Variants in NFIA observed in about 807,000 individuals in gnomAD.
NFIA encodes nuclear factor 1 A-type.
In NFIA, 8 loss-of-function variants were observed where a neutral mutation model predicts 62.8. The ratio of observed to expected loss-of-function variants is 0.13; its 90% CI spans 0.07 to 0.23. The LOEUF is 0.23. Among genes scored for constraint, NFIA ranks in the 10% least tolerant of loss-of-function variants. The pLI is 1.00. For missense variants in NFIA, 410 were observed against 642.1 expected, an observed-to-expected ratio of 0.64 and a Z score of 3.91; for synonymous variants, 235 against 238.1, an observed-to-expected ratio of 0.99 and a Z score of 0.12.
intron 10 of NFIA, among the ~76,000 whole-genome samples, chr1:61,443,084 A>G (rs1667656180): frequency 6.6e-6 from 1 of 152,206 alleles, no homozygotes; most frequent in Non-Finnish European, 1.5e-5. Flanking sequence ...GGGGATTGAG[A>G]AAAAAGACTA....
At chr1:61,409,844 G>A (rs1384596351) in intron 9 of NFIA, among the ~76,000 whole-genome samples, 1 of 152,214 alleles carries the variant, frequency 6.6e-6, no homozygotes, top group African/African-American at 2.4e-5. Context: ...GACTAGTCAT[G>A]TCCAGTTTTT....
chr1:61,229,031 G>T (rs1361256045), intron 2 of NFIA, among the ~76,000 whole-genome samples: 1 of 151,626 alleles, frequency 6.6e-6, no homozygotes. Flanking sequence ...CAAATATATT[G>T]CCCAAAAAAA....
chr1:61,368,178 A>G (rs1224433435), intron 6 of NFIA, among the ~76,000 whole-genome samples: 1 of 152,212 alleles, frequency 6.6e-6, no homozygotes, highest in Non-Finnish European at 1.5e-5. Flanking sequence ...TTTGAAAATG[A>G]AGCTGTGTAA....
At chr1:61,387,895 A>G (rs1465776663) in intron 7 of NFIA, among the ~76,000 whole-genome samples, 2 of 152,252 alleles carry the variant, frequency 1.3e-5, no homozygotes, top group African/African-American at 4.8e-5. Flanking sequence ...TGGAAGAACC[A>G]TGGCGTTGCA....
chr1:61,284,392 T>C (rs760608510), intron 3 of NFIA, among the ~76,000 whole-genome samples: 66 of 152,232 alleles, frequency 4.3e-4, no homozygotes, highest in African/African-American at 1.5e-3. Context: ...TGACCCATCA[T>C]TGTTTGCAAA....
intron 2 of NFIA, among the ~76,000 whole-genome samples, chr1:61,130,377 C>G (rs1229390983): frequency 1.3e-5 from 2 of 152,090 alleles, no homozygotes; most frequent in Non-Finnish European, 2.9e-5. Flanking sequence ...ACACATTGCC[C>G]TGTAACTTTC....
At chr1:61,119,612 A>G (rs1646854298) in intron 2 of NFIA, among the ~76,000 whole-genome samples, 1 of 152,234 alleles carries the variant, frequency 6.6e-6, no homozygotes, top group South Asian at 2.1e-4. Context: ...AAAGTTTTGC[A>G]TGGACTCAGA....
chr1:61,101,873 G>A (rs1646518234), intron 2 of NFIA, among the ~76,000 whole-genome samples: 1 of 152,192 alleles, frequency 6.6e-6, no homozygotes, highest in Non-Finnish European at 1.5e-5. Context: ...GGGACAATGT[G>A]TGTGGATGGT....
chr1:61,232,825 T>TCTCCAG (rs1654761036), intron 2 of NFIA, among the ~76,000 whole-genome samples: 1 of 152,156 alleles, frequency 6.6e-6, no homozygotes, highest in African/African-American at 2.4e-5. Context: ...TCAAGCTCCA[T>TCTCCAG]CTCCAAGAAA....
chr1:61,387,394 G>C (rs1459869402), intron 7 of NFIA, among the ~76,000 whole-genome samples: 1 of 151,382 alleles, frequency 6.6e-6, no homozygotes, highest in Non-Finnish European at 1.5e-5. Flanking sequence ...CCCAGGCTTT[G>C]AAAGTATCAT....
intron 2 of NFIA, among the ~76,000 whole-genome samples, chr1:61,237,744 T>C (rs1428764520): frequency 3.9e-5 from 6 of 152,150 alleles, no homozygotes; most frequent in African/African-American, 1.4e-4. Context: ...TGTAGGACCT[T>C]GATTTACCCT....
chr1:61,297,655 A>G (rs1386694923), intron 3 of NFIA, among the ~76,000 whole-genome samples: 1 of 152,162 alleles, frequency 6.6e-6, no homozygotes, highest in Admixed American at 6.6e-5. Context: ...ACATGGCTAT[A>G]GCAACATGTT....
At chr1:61,223,323 T>C (rs1274519949) in intron 2 of NFIA, among the ~76,000 whole-genome samples, 3 of 151,914 alleles carry the variant, frequency 2.0e-5, no homozygotes, top group East Asian at 3.8e-4. Flanking sequence ...ACCAGGAAAA[T>C]GTGTTGTAAT....
At chr1:61,354,584 G>A (rs1435652853) in intron 5 of NFIA, among the ~76,000 whole-genome samples, 1 of 152,156 alleles carries the variant, frequency 6.6e-6, no homozygotes, top group Non-Finnish European at 1.5e-5. Flanking sequence ...CTTGCCCAAA[G>A]TCACAGTCCT....
At position 61,332,577 on chromosome 1, in the gene NFIA, G is replaced by C; in HGVS notation, c.691G>C (p.Val231Leu). ...GVFSVTELVR[V>L]SQTPIAAGTG... is the part of the protein sequence containing the mutation. The stretch of plus-strand genomic sequence containing the variant: ...TTTTAGTGTCACTGAGCTAGTAAGA[G>C]TGTCACAGAGTAAGTATAATTTTGC... Residue 231 changes from valine (V) to leucine (L), a missense_variant, in exon 4 of 11, where the codon GTG becomes CTG. Coordinates refer to ENST00000403491, the MANE Select transcript of NFIA (RefSeq NM_001134673.4). 1 of 1,613,830 alleles carries C rather than the reference G, an allele frequency of 6.2e-7. No individual in the cohort carries two copies. The highest frequency in any genetic ancestry group is 8.5e-7 in the Non-Finnish European group (1 of 1,179,818).
At chr1:61,175,480 C>G (rs1188465590) in intron 2 of NFIA, among the ~76,000 whole-genome samples, 3 of 152,098 alleles carry the variant, frequency 2.0e-5, no homozygotes, top group Admixed American at 1.3e-4. Context: ...TGTTGTATAA[C>G]TATAGATGGG....
intron 2 of NFIA, among the ~76,000 whole-genome samples, chr1:61,159,217 G>C (rs1031824636): frequency 1.3e-5 from 2 of 151,974 alleles, no homozygotes; most frequent in Non-Finnish European, 2.9e-5. Context: ...TTTTTACCTG[G>C]TGAGAGTTAA....
At chr1:61,292,342 A>G (rs1460975664) in intron 3 of NFIA, among the ~76,000 whole-genome samples, 1 of 152,192 alleles carries the variant, frequency 6.6e-6, no homozygotes, top group African/African-American at 2.4e-5. Context: ...ATGAATGGGT[A>G]AATGAATGAA....
rs924165277 is a variant in NFIA, at chr1:61,098,162, A to G, written c.559+9482A>G. Reference sequence around the variant, plus strand: ...GCTCAGATATAATAGCAGATTAACAATGACAATTGTAAATATCTTTTATGC... The same window carrying G: ...GCTCAGATATAATAGCAGATTAACAGTGACAATTGTAAATATCTTTTATGC... On this transcript the variant is annotated intron_variant, in intron 2 of 10. Transcript: ENST00000403491. 2.0e-5 allele frequency among the ~76,000 whole-genome samples: 3 copies of G among 152,244 alleles called. No individual in the cohort carries two copies. The South Asian group carries it at 6.2e-4, about 31-fold the overall frequency.
Sources: gnomAD v4.1 joint callset for allele counts (sites outside exome capture counted in the v4.1 genomes callset) on GRCh38, gnomAD v4.1.1 for gene constraint, MANE v1.5 for transcripts, NCBI Gene and HGNC (gene_info 2026-07-23, HGNC 2026-07-21) for gene names.